Variants in DNAJA1 observed in about 807,000 individuals in gnomAD.
The protein encoded by DNAJA1 is dnaJ homolog subfamily A member 1.
Under a neutral mutation model 47.6 loss-of-function variants are expected in DNAJA1, and 26 were observed. That is an observed-to-expected ratio of 0.55 (90% CI 0.40 to 0.76). The LOEUF is 0.76. Among genes scored for constraint, DNAJA1 ranks in the 30% least tolerant of loss-of-function variants. The probability of loss-of-function intolerance (pLI) is 0.00; values close to 1 mark genes in which losing one functional copy is unlikely to be tolerated. For synonymous variants in DNAJA1, 165 were observed against 158.4 expected (o/e 1.04, Z -0.31); for missense variants, 315 against 485.0 (o/e 0.65, Z 3.29).
At chr9:33,036,487 C>T (rs979676202) in intron 6 of DNAJA1, 87 bp from the exon 7 acceptor site, 10 of 790,432 alleles carry the variant, frequency 1.3e-5, no homozygotes, top group Non-Finnish European at 1.8e-5. Context: ...AGACCCTTTG[C>T]TTTTATTAAA....
chr9:33,039,039 TGAA>T lies in DNAJA1; in HGVS notation c.*140_*142del, dbSNP rs1839078858. 4 of 865,874 alleles carry T rather than the reference TGAA, an allele frequency of 4.6e-6. No homozygotes were observed. The allele number at this position is 865,874 out of a possible 1,614,324, so 53.6% of individuals were successfully genotyped here. A position where few individuals can be genotyped will look rare whatever the true frequency, so the allele number is the denominator to read the frequency against. ...TATAGTAGTGTTTTAAAAAGTTAAA[TGAA>T]GAATAAACGCAAATATAAAAGCTCT... On this transcript the variant is annotated 3_prime_UTR_variant, in exon 9 of 9. Coordinates refer to ENST00000330899, the MANE Select transcript of DNAJA1 (RefSeq NM_001539.4).
At chr9:33,026,391 C>CA (rs1255452536) in intron 1 of DNAJA1, 84 bp from the exon 2 acceptor site, 5 of 1,459,366 alleles carry the variant, frequency 3.4e-6, no homozygotes, top group Middle Eastern at 2.3e-4. Context: ...TCGGATTTTG[C>CA]AAAGAGATTG....
At chr9:33,034,130 A>G in intron 5 of DNAJA1, 86 bp from the exon 6 acceptor site, 2 of 911,326 alleles carry the variant, frequency 2.2e-6, no homozygotes, top group Non-Finnish European at 3.2e-6. Context: ...ATTTTTATGC[A>G]TAAACAAACA....
chr9:33,026,870 T>C lies in DNAJA1; in HGVS notation c.190T>C (p.Tyr64His). The C allele has an allele frequency of 6.2e-7, 1 of 1,614,194 alleles. No homozygotes were observed. The highest frequency in any genetic ancestry group is 8.5e-7 in the Non-Finnish European group (1 of 1,180,038). Residue 64 changes from tyrosine to histidine, a missense_variant, in exon 3 of 9, where the codon TAT (tyrosine) becomes CAT (histidine). By Grantham distance (83) the Tyr-to-His change is moderately conservative (BLOSUM62 2). This residue lies in a region of DNAJA1 where 100 missense variants were observed against 163.0 expected (regional missense o/e 0.61). Transcript: ENST00000330899. ...VLSDAKKREL[Y>H]DKGGEQAIKE... The stretch of plus-strand genomic sequence containing the variant: ...CTCTGATGCAAAGAAAAGGGAATTA[T>C]ATGACAAAGGAGGAGAACAGGCAAT...
At chr9:33,037,185 T>C (rs1321597976) in intron 8 of DNAJA1, 70 bp downstream of exon 8, 4 of 1,429,668 alleles carry the variant, frequency 2.8e-6, no homozygotes, top group Non-Finnish European at 3.8e-6. Flanking sequence ...AAAAGTAAAA[T>C]TTCAGCCAGG....
In DNAJA1 at chr9:33,025,286, G is replaced by C. The variant is rs1838779877; in HGVS notation, c.-108G>C. ...GCGGCGCGCCGGGCGGAACTTTCCA[G>C]AACGCTCGGTGAGAGGCGGAGGAGC... On this transcript the variant is annotated 5_prime_UTR_variant, in exon 1 of 9. Transcript: ENST00000330899. 1 of 152,508 alleles carries C rather than the reference G, an allele frequency of 6.6e-6. No individual in the cohort carries two copies. The highest frequency in any genetic ancestry group is 2.4e-5 in the African/African-American group (1 of 41,436). The allele number at this position is 152,508 out of a possible 1,614,324, so 9.4% of individuals were successfully genotyped here.
chr9:33,034,617 C>CA (rs141041785), intron 6 of DNAJA1, among the ~76,000 whole-genome samples: 10,724 of 152,238 alleles, frequency 0.07, 512 homozygotes, highest in Non-Finnish European at 0.11. Flanking sequence ...AATTTGCCCT[C>CA]AATCTTTGTA....
At chr9:33,033,470 G>T (rs1564013776) in intron 5 of DNAJA1, among the ~76,000 whole-genome samples, 1 of 151,988 alleles carries the variant, frequency 6.6e-6, no homozygotes, top group African/African-American at 2.4e-5. Flanking sequence ...GGATGCCGAG[G>T]CAGGATCCCT....
Position 33,029,997 on chromosome 9 carries a change from GTTTT to G in DNAJA1, c.415+12_415+15del, listed in dbSNP as rs747769515. ...TTTGTGACAAATGTGAAGGTACGGT[GTTTT>G]TTTGTTTTGTTTTGTTTTGTTTTTA... On this transcript the variant is annotated intron_variant, in intron 4 of 8. Transcript: ENST00000330899. 8.3e-5 allele frequency: 133 copies of G among 1,608,098 alleles called. No homozygotes were observed. Among genetic ancestry groups the G allele is most frequent in the Non-Finnish European group, 1.1e-4 (131 of 1,178,360 alleles).
At chr9:33,036,756 A>C in intron 7 of DNAJA1, 67 bp downstream of exon 7, 3 of 1,210,128 alleles carry the variant, frequency 2.5e-6, no homozygotes, top group Non-Finnish European at 1.2e-6. Context: ...TCCTGTTAAC[A>C]AAGTGTAGTA....
In DNAJA1 at chr9:33,039,293, AG is replaced by A. The variant is rs1329931014; in HGVS notation, c.*392del. 5.6e-6 allele frequency: 1 copy of A among 177,754 alleles called. No individual in the cohort carries two copies. The highest frequency in any genetic ancestry group is 5.6e-5 in the Admixed American group (1 of 18,010). The allele number at this position is 177,754 out of a possible 1,614,324, so 11.0% of individuals were successfully genotyped here. ...AAAACTCTGTATTTAACTGGCAATG[AG>A]GAAAAAAAAATTTTGTAGAGAAGTG... is the stretch of plus-strand genomic sequence containing the variant. On this transcript the variant is annotated 3_prime_UTR_variant, in exon 9 of 9. Coordinates refer to ENST00000330899, the MANE Select transcript of DNAJA1 (RefSeq NM_001539.4).
At chr9:33,028,025 C>CAAAAA (rs144327341) in intron 3 of DNAJA1, among the ~76,000 whole-genome samples, 17 of 77,922 alleles carry the variant, frequency 2.2e-4, no homozygotes, top group East Asian at 1.0e-3. Flanking sequence ...ACTCTTGTCT[C>CAAAAA]AAAAAAAAAA....
chr9:33,029,932 A>G lies in DNAJA1; in HGVS notation c.358A>G (p.Asn120Asp). 6.2e-7 allele frequency: 1 copy of G among 1,613,524 alleles called. No individual in the cohort carries two copies. The highest frequency in any genetic ancestry group is 1.1e-5 in the South Asian group (1 of 90,968). Residue 120 changes from asparagine (N) to aspartate (D), a missense_variant, in exon 4 of 9, where the codon AAT becomes GAT. Around this residue, in one of 4 missense-constraint regions of DNAJA1, gnomAD observed 100 missense variants for 163.0 expected, o/e 0.61. Coordinates refer to ENST00000330899, the MANE Select transcript of DNAJA1 (RefSeq NM_001539.4). ...QLSVTLEDLY[N>D]GATRKLALQK... ...CTCAGTAACCCTAGAAGACTTATAT[A>G]ATGGTGCAACAAGAAAACTGGCTCT...
Position 33,030,044 on chromosome 9 carries a change from A to G in DNAJA1, c.415+55A>G, listed in dbSNP as rs567634635. 9.4e-6 allele frequency: 14 copies of G among 1,492,942 alleles called. No individual in the cohort carries two copies. The South Asian group carries it at 1.3e-4, about 14-fold the overall frequency. 92.5% of individuals were successfully genotyped at this position (1,492,942 alleles called of 1,614,324 possible). On this transcript the variant is annotated intron_variant, in intron 4 of 8. Transcript: ENST00000330899. ...TGTTTTTAAGCACCTTTAATATGAC[A>G]CCTGAAAATGGAGCTAAGACTTCTA...
intron 8 of DNAJA1, chr9:33,037,317 C>CAA (rs869097293): frequency 6.8e-4 from 108 of 159,654 alleles, no homozygotes; most frequent in South Asian, 1.3e-3. Flanking sequence ...TTTAAAAAAA[C>CAA]AAAAAAAAAA....
At chr9:33,027,979 C>G (rs958839804) in intron 3 of DNAJA1, among the ~76,000 whole-genome samples, 13 of 142,288 alleles carry the variant, frequency 9.1e-5, no homozygotes, top group African/African-American at 3.2e-4. Flanking sequence ...GAGCTGAGAT[C>G]GCCCAATTAC....
chr9:33,039,869 T>C lies in DNAJA1; in HGVS notation c.*966T>C, dbSNP rs1019829157. 6.6e-6 allele frequency: 1 copy of C among 152,174 alleles called. No individual in the cohort carries two copies. The highest frequency in any genetic ancestry group is 6.5e-5 in the Admixed American group (1 of 15,280). The allele number at this position is 152,174 out of a possible 1,614,324, so 9.4% of individuals were successfully genotyped here. A position where few individuals can be genotyped will look rare whatever the true frequency, so the allele number is the denominator to read the frequency against. Reference sequence around the variant, plus strand: ...CAGAATTTAAGCAATTCTTGAAATGTATTGTCTCCTTAATATACTAATTAC... The same window carrying C: ...CAGAATTTAAGCAATTCTTGAAATGCATTGTCTCCTTAATATACTAATTAC... On this transcript the variant is annotated 3_prime_UTR_variant, in exon 9 of 9. Coordinates refer to ENST00000330899, the MANE Select transcript of DNAJA1 (RefSeq NM_001539.4).
chr9:33,029,853 A>T, intron 3 of DNAJA1, 32 bp from the exon 4 acceptor site: 1 of 1,548,738 alleles, frequency 6.5e-7, no homozygotes, highest in African/African-American at 1.4e-5. Context: ...AGCATCTTAA[A>T]CAGATTTGCA....
intron 6 of DNAJA1, among the ~76,000 whole-genome samples, chr9:33,034,807 A>C (rs1839009654): frequency 6.6e-6 from 1 of 152,216 alleles, no homozygotes; most frequent in South Asian, 2.1e-4. Flanking sequence ...TGAACACTGA[A>C]GCACAAGAAA....
Sources: allele counts gnomAD v4.1 joint callset (sites outside exome capture counted in the v4.1 genomes callset), GRCh38; gene constraint gnomAD v4.1.1; regional missense constraint gnomAD v4.1.1; transcripts MANE v1.5; gene names NCBI Gene and HGNC (gene_info 2026-07-23, HGNC 2026-07-21).